The following NBEA variants were observed in gnomAD, a reference collection of about 807,000 sequenced individuals.
NBEA encodes lysosomal-trafficking regulator 2.
A neutral mutation model predicts 343.4 loss-of-function variants in NBEA; 44 were observed. The observed-to-expected ratio is 0.13, with a 90% CI of 0.10 to 0.16. The LOEUF is 0.16. NBEA is among the 10% of genes least tolerant of loss of function. NBEA has a pLI of 1.00. For missense variants in NBEA, 2,555 were observed against 3,631.3 expected, an observed-to-expected ratio of 0.70 and a Z score of 7.62; for synonymous variants, 1,175 against 1,238.7, an observed-to-expected ratio of 0.95 and a Z score of 1.08.
intron 18 of NBEA, among the ~76,000 whole-genome samples, chr13:35,153,315 G>A (rs1171919783): frequency 1.3e-5 from 2 of 152,088 alleles, no homozygotes; most frequent in East Asian, 3.9e-4. Context: ...TTACAGGTGT[G>A]AGCCACCATG....
At chr13:35,428,853 C>T (rs1304730624) in intron 38 of NBEA, among the ~76,000 whole-genome samples, 1 of 152,122 alleles carries the variant, frequency 6.6e-6, no homozygotes, top group African/African-American at 2.4e-5. Flanking sequence ...ATTTAGACTT[C>T]CTGTAACATT....
At chr13:35,103,803 A>C (rs566483397) in intron 11 of NBEA, among the ~76,000 whole-genome samples, 1 of 151,944 alleles carries the variant, frequency 6.6e-6, no homozygotes, top group South Asian at 2.1e-4. Context: ...AACTCAGGAA[A>C]TTATGTTGTC....
intron 47 of NBEA, among the ~76,000 whole-genome samples, chr13:35,605,715 C>T (rs1459190446): frequency 1.3e-5 from 2 of 152,160 alleles, no homozygotes; most frequent in East Asian, 3.9e-4. Flanking sequence ...AAATTAGATG[C>T]TGTACATCAC....
chr13:35,522,238 C>T (rs2077750780), intron 41 of NBEA, among the ~76,000 whole-genome samples: 1 of 151,782 alleles, frequency 6.6e-6, no homozygotes, highest in Non-Finnish European at 1.5e-5. Context: ...GGGTGGATCA[C>T]CTGAGGATCA....
chr13:35,019,223 G>A (rs1049420551), intron 1 of NBEA, among the ~76,000 whole-genome samples: 1 of 151,122 alleles, frequency 6.6e-6, no homozygotes, highest in African/African-American at 2.4e-5. Flanking sequence ...TCTTTGAAAT[G>A]GTTTTCTGAT....
intron 11 of NBEA, among the ~76,000 whole-genome samples, chr13:35,104,148 C>T (rs951133653): frequency 2.0e-5 from 3 of 151,784 alleles, no homozygotes; most frequent in Non-Finnish European, 2.9e-5. Flanking sequence ...CATTTACTTC[C>T]CCCATTGTTT....
At chr13:35,050,453 C>T in intron 6 of NBEA, 58 bp downstream of exon 6, 1 of 1,509,978 alleles carries the variant, frequency 6.6e-7, no homozygotes, top group Non-Finnish European at 9.0e-7. Context: ...CTTAACTCTC[C>T]TTTTATGAGC....
chr13:35,306,568 G>A (rs1173828260), intron 35 of NBEA, among the ~76,000 whole-genome samples: 2 of 151,684 alleles, frequency 1.3e-5, no homozygotes, highest in Non-Finnish European at 2.9e-5. Context: ...CATTATTTGG[G>A]TTTCATTCCC....
intron 38 of NBEA, among the ~76,000 whole-genome samples, chr13:35,405,197 A>C (rs1457767543): frequency 1.3e-5 from 2 of 152,216 alleles, no homozygotes; most frequent in Admixed American, 1.3e-4. Flanking sequence ...TCTGTGTAAC[A>C]GTTGATGTAA....
intron 38 of NBEA, among the ~76,000 whole-genome samples, chr13:35,364,480 G>T (rs1010007269): frequency 1.3e-5 from 2 of 151,788 alleles, no homozygotes; most frequent in Non-Finnish European, 1.5e-5. Flanking sequence ...GAAAGAAGGG[G>T]ATTGATGAGC....
At chr13:35,363,179 T>G (rs1202910593) in intron 38 of NBEA, among the ~76,000 whole-genome samples, 2 of 151,938 alleles carry the variant, frequency 1.3e-5, no homozygotes. Flanking sequence ...CAGTTATTTA[T>G]AGAGCCCCAA....
chr13:35,529,999 A>C (rs969628650), intron 41 of NBEA, among the ~76,000 whole-genome samples: 4 of 152,220 alleles, frequency 2.6e-5, no homozygotes, highest in Non-Finnish European at 4.4e-5. Context: ...TTAAATTTCC[A>C]ATGTGATGTG....
chr13:35,251,638 G>A, intron 34 of NBEA: 3 of 1,008,210 alleles, frequency 3.0e-6, no homozygotes, highest in Non-Finnish European at 3.9e-6. Context: ...ATTTGAGGTG[G>A]AAAAGGATGA....
intron 1 of NBEA, among the ~76,000 whole-genome samples, chr13:34,998,361 T>C (rs1219784492): frequency 6.6e-6 from 1 of 152,190 alleles, no homozygotes; most frequent in Non-Finnish European, 1.5e-5. Flanking sequence ...GGCATTGTCA[T>C]TGATAACATC....
At chr13:35,096,646 A>C (rs2065346266) in intron 10 of NBEA, among the ~76,000 whole-genome samples, 2 of 151,914 alleles carry the variant, frequency 1.3e-5, no homozygotes, top group African/African-American at 4.8e-5. Flanking sequence ...TTCCCCCTAA[A>C]TCACTAACTT....
At chr13:35,016,060 G>A (rs983395636) in intron 1 of NBEA, among the ~76,000 whole-genome samples, 4 of 152,026 alleles carry the variant, frequency 2.6e-5, no homozygotes, top group Non-Finnish European at 5.9e-5. Context: ...TTATATCAAA[G>A]CACTTAATTC....
chr13:34,972,418 T>C (rs967271171), intron 1 of NBEA, among the ~76,000 whole-genome samples: 11 of 152,200 alleles, frequency 7.2e-5, no homozygotes, highest in African/African-American at 2.7e-4. Context: ...GTTGTGATGT[T>C]AGGTTGTTAA....
At chr13:35,472,631 A>G in intron 41 of NBEA, 95 bp downstream of exon 41, 7 of 1,225,216 alleles carry the variant, frequency 5.7e-6, no homozygotes, top group Non-Finnish European at 8.4e-6. Context: ...GGAGGAGGGG[A>G]GCACATTCTC....
intron 55 of NBEA, 128 bp downstream of exon 55, chr13:35,655,877 A>G (rs2084790343): frequency 1.3e-6 from 1 of 758,578 alleles, no homozygotes; most frequent in Non-Finnish European, 2.1e-6. Context: ...TAAGTGGCCA[A>G]AATCTGTACT....
Sources: allele counts gnomAD v4.1 joint callset (sites outside exome capture counted in the v4.1 genomes callset), GRCh38; gene constraint gnomAD v4.1.1; transcripts MANE v1.5; gene names NCBI Gene and HGNC (gene_info 2026-07-23, HGNC 2026-07-21).